MYCBP2: variants seen among roughly 807,000 people sequenced by gnomAD.
MYCBP2 encodes the protein E3 ubiquitin-protein ligase MYCBP2.
MYCBP2 carries 120 observed loss-of-function variants against 525.3 expected under a neutral mutation model. The ratio of observed to expected loss-of-function variants is 0.23; its 90% CI spans 0.20 to 0.27. MYCBP2 has a LOEUF of 0.27. Ranked by LOEUF, MYCBP2 falls within the 10% of genes least tolerant of loss-of-function variation. MYCBP2 has a pLI of 1.00. For synonymous variants in MYCBP2, 1,894 were observed against 1,955.8 expected (o/e 0.97, Z 0.83); for missense variants, 4,149 against 5,657.1 (o/e 0.73, Z 8.55).
chr13:77,154,899 T>C (rs953342516), intron 46 of MYCBP2, among the ~76,000 whole-genome samples: 1 of 152,092 alleles, frequency 6.6e-6, no homozygotes, highest in East Asian at 1.9e-4. Context: ...GTGAAGGGTA[T>C]GACTTGCCTT....
In MYCBP2 at chr13:77,164,457, T is replaced by G; in HGVS notation, c.6544A>C (p.Ile2182Leu). The part of the protein sequence containing the change: ...ALMKKDLALP[I>L]GNELEEDLEI... Reference sequence around the variant, plus strand: ...ATCCAGTATTGGCCACACTTACCAATAGGAAGTGCTAGGTCCTTCTTCATC... The same window carrying G: ...ATCCAGTATTGGCCACACTTACCAAGAGGAAGTGCTAGGTCCTTCTTCATC... The change falls in exon 43 of 83, where the codon ATT (isoleucine) becomes CTT (leucine). Residue 2182 changes from isoleucine (I) to leucine (L), a missense_variant. Ile to Leu is a conservative substitution (Grantham distance 5, BLOSUM62 2). Coordinates refer to ENST00000544440, the MANE Select transcript of MYCBP2 (RefSeq NM_015057.5). 6.2e-7 allele frequency: 1 copy of G among 1,605,136 alleles called. No individual in the cohort carries two copies. The highest frequency in any genetic ancestry group is 8.5e-7 in the Non-Finnish European group (1 of 1,171,992).
chr13:77,263,484 CAGTT>C (rs1378139390), intron 10 of MYCBP2, among the ~76,000 whole-genome samples, 163 bp downstream of exon 10: 1 of 151,896 alleles, frequency 6.6e-6, no homozygotes, highest in Non-Finnish European at 1.5e-5. Context: ...CTGTGTTTCC[CAGTT>C]ATTTATTCAT....
chr13:77,301,781 G>C (rs2078838771), intron 1 of MYCBP2, among the ~76,000 whole-genome samples: 1 of 152,066 alleles, frequency 6.6e-6, no homozygotes, highest in African/African-American at 2.4e-5. Flanking sequence ...AACGTTAGGA[G>C]GCAAGTACCT....
intron 37 of MYCBP2, among the ~76,000 whole-genome samples, chr13:77,172,934 T>C (rs1239521748): frequency 6.6e-6 from 1 of 152,150 alleles, no homozygotes; most frequent in East Asian, 1.9e-4. Flanking sequence ...CCATCATCTG[T>C]GAAACAGGGA....
chr13:77,090,164 G>C lies in MYCBP2; in HGVS notation c.10467C>G (p.Ser3489=), dbSNP rs779111390. ...VVASEYDKQH[S]ILPARVKAIP... ...TAGCTTTAACTCGTGCAGGTAAAAT[G>C]GAGTGTTGTTTATCATATTCGGAAG... Residue 3489 remains serine, a synonymous_variant, in exon 60 of 83, where the codon TCC becomes TCG. Transcript: ENST00000544440. 1 of 1,612,696 alleles carries C rather than the reference G, an allele frequency of 6.2e-7. No individual in the cohort carries two copies.
At chr13:77,144,134 A>T (rs544776554) in intron 49 of MYCBP2, 4 of 299,798 alleles carry the variant, frequency 1.3e-5, no homozygotes, top group African/African-American at 8.5e-5. Flanking sequence ...CAGTCAGGAG[A>T]GGCACAGACA....
At chr13:77,218,692 C>T (rs2065145756) in intron 20 of MYCBP2, among the ~76,000 whole-genome samples, 1 of 152,186 alleles carries the variant, frequency 6.6e-6, no homozygotes, top group Admixed American at 6.5e-5. Context: ...GTCTGGCACA[C>T]AGTTAACACT....
chr13:77,306,142 A>G (rs898996126), intron 1 of MYCBP2, among the ~76,000 whole-genome samples: 1 of 152,190 alleles, frequency 6.6e-6, no homozygotes, highest in Non-Finnish European at 1.5e-5. Context: ...TAATCCACAA[A>G]TAAAGAATTA....
chr13:77,208,485 GCAAA>G (rs2063610326), intron 23 of MYCBP2, among the ~76,000 whole-genome samples: 3 of 152,212 alleles, frequency 2.0e-5, no homozygotes, highest in Middle Eastern at 3.4e-3. Context: ...TCACTGATGG[GCAAA>G]CAGTTAAGTA....
chr13:77,076,326 C>A, intron 68 of MYCBP2: 1 of 153,312 alleles, frequency 6.5e-6, no homozygotes, highest in Admixed American at 6.5e-5. Flanking sequence ...GAGACACATA[C>A]AGATTATTAT....
chr13:77,200,149 A>C (rs938640095), intron 26 of MYCBP2, among the ~76,000 whole-genome samples: 2 of 151,832 alleles, frequency 1.3e-5, no homozygotes, highest in African/African-American at 4.8e-5. Flanking sequence ...TTTGAAAAAA[A>C]TTTAGAAGAA....
chr13:77,222,226 T>C (rs948955803), intron 20 of MYCBP2, among the ~76,000 whole-genome samples: 1 of 152,204 alleles, frequency 6.6e-6, no homozygotes, highest in African/African-American at 2.4e-5. Context: ...CCTGTGACAG[T>C]AATTGCTCAA....
rs2058404381 is a variant in MYCBP2 at position 77,165,305 on chromosome 13, T to C, written c.6427A>G (p.Ile2143Val). Reference protein sequence around the residue: ...ASFYGFKCFAIGYEFSPGPDE... With the variant: ...ASFYGFKCFAVGYEFSPGPDE... ...GGTCCAGGGCTAAATTCATATCCAA[T>C]TGCAAAACACTTAAAACCATAGAAA... The change falls in exon 42 of 83, where the codon ATT (isoleucine) becomes GTT (valine). Residue 2143 changes from isoleucine to valine, a missense_variant. Transcript: ENST00000544440. The C allele has an allele frequency of 1.9e-6, 3 of 1,611,754 alleles. No individual in the cohort carries two copies. The highest frequency in any genetic ancestry group is 1.1e-5 in the South Asian group (1 of 90,348).
chr13:77,057,023 C>T lies in MYCBP2; in HGVS notation c.13400G>A (p.Arg4467Lys). ...RVLENRWLGP[R>K]ITFGFISCPI... ...ACAAGATATAAATCCAAATGTTATC[C>T]TTGGGCCAAGCCATCGATTTTCTAA... The change falls in exon 79 of 83, where the codon AGG (arginine) becomes AAG (lysine). Residue 4467 changes from arginine (R) to lysine (K), a missense_variant. This residue lies in a region of MYCBP2 where 220 missense variants were observed against 396.0 expected (regional missense o/e 0.56). Coordinates refer to ENST00000544440, the MANE Select transcript of MYCBP2 (RefSeq NM_015057.5). 6.2e-7 allele frequency: 1 copy of T among 1,613,794 alleles called. No homozygotes were observed. Among genetic ancestry groups the T allele is most frequent in the Non-Finnish European group, 8.5e-7 (1 of 1,179,806 alleles).
At position 77,326,240 on chromosome 13, in the gene MYCBP2, GACACAC is replaced by G. The variant is rs398023536; in HGVS notation, c.302+228_302+233del. On this transcript the variant is annotated intron_variant, in intron 1 of 82. Coordinates refer to ENST00000544440, the MANE Select transcript of MYCBP2 (RefSeq NM_015057.5). The surrounding 1 kb of genome is among the most constrained non-coding windows in gnomAD (Gnocchi z 4.2). Reference sequence around the variant, plus strand: ...CACTATCCCCCCACATAGGCAGGCAGACACACACACACACACACACACACACACACA... The same window carrying G: ...CACTATCCCCCCACATAGGCAGGCAGACACACACACACACACACACACACA... Among the ~76,000 whole-genome samples, 7,765 of 127,790 alleles carry G rather than the reference GACACAC, an allele frequency of 0.061. 245 individuals carry two copies. Among genetic ancestry groups the G allele is most frequent in the African/African-American group, 0.07 (2,342 of 33,666 alleles). The allele number at this position is 127,790 out of a possible 152,430, so 83.8% of individuals were successfully genotyped here.
intron 47 of MYCBP2, 114 bp downstream of exon 47, chr13:77,150,620 C>T (rs1293924884): frequency 1.3e-6 from 1 of 767,466 alleles, no homozygotes; most frequent in Non-Finnish European, 2.1e-6. Flanking sequence ...AATTTAATAT[C>T]CATCAAATGC....
chr13:77,272,026 A>C (rs1300684652), intron 5 of MYCBP2, among the ~76,000 whole-genome samples: 1 of 152,224 alleles, frequency 6.6e-6, no homozygotes, highest in Non-Finnish European at 1.5e-5. Flanking sequence ...AGAGAACTGC[A>C]GCTATTGATT....
At chr13:77,156,420 T>A (rs550575770) in intron 45 of MYCBP2, among the ~76,000 whole-genome samples, 15 of 152,366 alleles carry the variant, frequency 9.8e-5, no homozygotes, top group East Asian at 7.7e-4. Context: ...AGATTTCTGA[T>A]ATTTAAATAC....
intron 4 of MYCBP2, 93 bp from the exon 5 acceptor site, chr13:77,273,761 G>A (rs950394295): frequency 4.3e-6 from 4 of 939,582 alleles, no homozygotes; most frequent in Non-Finnish European, 5.8e-6. Context: ...CATTATAAAC[G>A]AAATTTAAGG....
Sources: allele counts gnomAD v4.1 joint callset (sites outside exome capture counted in the v4.1 genomes callset), GRCh38; gene constraint gnomAD v4.1.1; regional missense constraint gnomAD v4.1.1; non-coding constraint Gnocchi (gnomAD v3.1); transcripts MANE v1.5; gene names NCBI Gene and HGNC (gene_info 2026-07-23, HGNC 2026-07-21).